LARP4B: variants seen among roughly 807,000 people sequenced by gnomAD.
LARP4B encodes the protein la-related protein 4B.
LARP4B carries 12 observed loss-of-function variants against 89.8 expected under a neutral mutation model. The ratio of observed to expected loss-of-function variants is 0.13; its 90% CI spans 0.09 to 0.22. The LOEUF (loss-of-function observed/expected upper bound fraction) is 0.22, where lower values mean the gene tolerates loss of function less well. Among genes scored for constraint, LARP4B ranks in the 10% least tolerant of loss-of-function variants. The probability of loss-of-function intolerance (pLI) is 1.00; values close to 1 mark genes in which losing one functional copy is unlikely to be tolerated. For synonymous variants in LARP4B, 367 were observed against 363.3 expected (o/e 1.01, Z -0.12); for missense variants, 757 against 947.7 (o/e 0.80, Z 2.64).
intron 5 of LARP4B, among the ~76,000 whole-genome samples, chr10:857,534 T>C (rs1216458935): frequency 6.6e-6 from 1 of 152,188 alleles, no homozygotes; most frequent in Non-Finnish European, 1.5e-5. Flanking sequence ...GTGGGAGCAC[T>C]CTTTGGTCTC....
chr10:907,831 C>T (rs936581984), intron 1 of LARP4B, among the ~76,000 whole-genome samples: 3 of 152,232 alleles, frequency 2.0e-5, no homozygotes, highest in Admixed American at 6.5e-5. Flanking sequence ...CACTCCCAAT[C>T]TCCAGGTAGG....
chr10:914,373 AG>A (rs1836758956), intron 1 of LARP4B, among the ~76,000 whole-genome samples: 2 of 152,136 alleles, frequency 1.3e-5, no homozygotes, highest in East Asian at 3.8e-4. Flanking sequence ...CAAAATGATA[AG>A]GGGGAAAGGA....
Position 830,945 on chromosome 10 carries a change from T to C in LARP4B, c.783A>G (p.Leu261=). Reference sequence around the variant, plus strand: ...CAAATTCACAGTTTATAAATTTTGGTAAATTATCTCCTTTAAATAGTGCTT... The same window carrying C: ...CAAATTCACAGTTTATAAATTTTGGCAAATTATCTCCTTTAAATAGTGCTT... The part of the protein sequence containing the change: ...EVEALFKGDN[L]PKFINCEFAY... Residue 261 remains leucine (L), a synonymous_variant, in exon 9 of 18, where the codon TTA becomes TTG. Coordinates refer to ENST00000316157, the MANE Select transcript of LARP4B (RefSeq NM_015155.3). 4 of 1,272,328 alleles carry C rather than the reference T, an allele frequency of 3.1e-6. No individual in the cohort carries two copies. Among genetic ancestry groups the C allele is most frequent in the Non-Finnish European group, 4.6e-6 (4 of 872,572 alleles). The allele number at this position is 1,272,328 out of a possible 1,614,324, so 78.8% of individuals were successfully genotyped here.
At chr10:927,331 A>T (rs1837171413) in intron 1 of LARP4B, among the ~76,000 whole-genome samples, 1 of 152,246 alleles carries the variant, frequency 6.6e-6, no homozygotes, top group South Asian at 2.1e-4. Context: ...AGCTGAGTTA[A>T]TAATTTTCCT....
chr10:807,356 C>T (rs1284679574), downstream of LARP4B: 1 of 152,310 alleles, frequency 6.6e-6, no homozygotes, highest in Non-Finnish European at 1.5e-5. Context: ...ACACAGTGAG[C>T]TTCGGCTGGG....
intron 15 of LARP4B, among the ~76,000 whole-genome samples, chr10:816,557 G>A (rs1832069312): frequency 6.6e-6 from 1 of 152,228 alleles, no homozygotes; most frequent in Non-Finnish European, 1.5e-5. Flanking sequence ...CACAGCAGGA[G>A]CTGCTGTTTC....
chr10:946,143 G>GA, the LARP4B span, among the ~76,000 whole-genome samples: 2 of 152,076 alleles, frequency 1.3e-5, no homozygotes, highest in African/African-American at 4.8e-5. Context: ...ATAAATCCCG[G>GA]AAAAAAGGTC....
the LARP4B span, among the ~76,000 whole-genome samples, chr10:976,888 G>A: frequency 6.6e-6 from 1 of 151,570 alleles, no homozygotes; most frequent in South Asian, 2.1e-4. Context: ...TGCAACGTGT[G>A]GACCCAACCT....
At chr10:913,838 G>A (rs1299652474) in intron 1 of LARP4B, among the ~76,000 whole-genome samples, 1 of 152,124 alleles carries the variant, frequency 6.6e-6, no homozygotes, top group South Asian at 2.1e-4. Context: ...AAACCCAGGA[G>A]GCTGACGTTG....
chr10:843,252 G>A (rs1833611477), intron 6 of LARP4B, among the ~76,000 whole-genome samples, 184 bp from the exon 7 acceptor site: 1 of 152,168 alleles, frequency 6.6e-6, no homozygotes, highest in Non-Finnish European at 1.5e-5. Context: ...CAAAATCTCG[G>A]CCTTGGAGAG....
chr10:909,156 T>C (rs1375905122), intron 1 of LARP4B, among the ~76,000 whole-genome samples: 4 of 152,124 alleles, frequency 2.6e-5, no homozygotes, highest in South Asian at 2.1e-4. Flanking sequence ...TAGCCGGGCA[T>C]GGTGGTGGGC....
the LARP4B span, among the ~76,000 whole-genome samples, chr10:978,464 T>C: frequency 1.3e-5 from 2 of 152,324 alleles, no homozygotes; most frequent in South Asian, 4.1e-4. Context: ...TTTTGTTTCT[T>C]TTCACTTTTT....
chr10:933,994 A>T (rs994793283), upstream of LARP4B, among the ~76,000 whole-genome samples: 1 of 151,748 alleles, frequency 6.6e-6, no homozygotes, highest in South Asian at 2.1e-4. Flanking sequence ...CACCACGCCC[A>T]GCTAATTTTT....
At chr10:841,510 A>C (rs575056849) in intron 7 of LARP4B, among the ~76,000 whole-genome samples, 4 of 152,342 alleles carry the variant, frequency 2.6e-5, no homozygotes, top group African/African-American at 9.6e-5. Flanking sequence ...TAATATCCTC[A>C]TGGTTGGTGG....
rs147197750 is a variant in LARP4B at position 864,172 on chromosome 10, A to T, written c.240T>A (p.Ser80Arg). The T allele has an allele frequency of 2.0e-5, 33 of 1,614,174 alleles. No individual in the cohort carries two copies. The African/African-American group carries it at 4.3e-4, about 21-fold the overall frequency. ...GGCCAGCCACCTCCTCCCATGCAGC[A>T]CTCACACCGTCAGCAGCACTGCTTG... Reference protein sequence around the residue: ...LEASSAADGVSAAWEEVAGHH... With the variant: ...LEASSAADGVRAAWEEVAGHH... The change falls in exon 4 of 18, where the codon AGT (serine) becomes AGA (arginine). Residue 80 changes from serine to arginine, a missense_variant. Ser to Arg is a moderately radical substitution (Grantham distance 110, BLOSUM62 -1). Coordinates refer to ENST00000316157, the MANE Select transcript of LARP4B (RefSeq NM_015155.3).
At chr10:910,508 A>G (rs879835305) in intron 1 of LARP4B, among the ~76,000 whole-genome samples, 69 of 152,324 alleles carry the variant, frequency 4.5e-4, no homozygotes, top group Middle Eastern at 6.8e-3. Context: ...GTCTCCTGAA[A>G]TTGGAACTCC....
Position 812,844 on chromosome 10 carries a change from CGG to C in LARP4B, c.*80_*81del. The stretch of plus-strand genomic sequence containing the variant: ...TCAGACACTGCAAGCTCCTAACCAG[CGG>C]CTCGCCCTCGCACTGAGTGGGAGAG... On this transcript the variant is annotated 3_prime_UTR_variant, in exon 18 of 18. Coordinates refer to ENST00000316157, the MANE Select transcript of LARP4B (RefSeq NM_015155.3). 1 of 1,286,900 alleles carries C rather than the reference CGG, an allele frequency of 7.8e-7. No homozygotes were observed. Among genetic ancestry groups the C allele is most frequent in the Non-Finnish European group, 1.0e-6 (1 of 986,448 alleles). The allele number at this position is 1,286,900 out of a possible 1,614,324, so 79.7% of individuals were successfully genotyped here. A position where few individuals can be genotyped will look rare whatever the true frequency, so the allele number is the denominator to read the frequency against.
At chr10:904,163 A>C (rs1472844301) in intron 1 of LARP4B, among the ~76,000 whole-genome samples, 4 of 152,214 alleles carry the variant, frequency 2.6e-5, no homozygotes, top group Admixed American at 2.0e-4. Flanking sequence ...GCATACCTGC[A>C]GTCCTAGCTA....
intron 1 of LARP4B, among the ~76,000 whole-genome samples, chr10:891,732 TA>T (rs1052841107): frequency 6.6e-6 from 1 of 152,146 alleles, no homozygotes; most frequent in Non-Finnish European, 1.5e-5. Context: ...TCCTACCTAT[TA>T]AAAAAAGTAA....
Sources: allele counts gnomAD v4.1 joint callset (sites outside exome capture counted in the v4.1 genomes callset), GRCh38; gene constraint gnomAD v4.1.1; transcripts MANE v1.5; gene names NCBI Gene and HGNC (gene_info 2026-07-23, HGNC 2026-07-21).